The following PTPRN2 variants were observed in gnomAD, a reference collection of about 807,000 sequenced individuals.
The protein encoded by PTPRN2 is protein tyrosine phosphatase receptor type N2, also known as receptor-type tyrosine-protein phosphatase N2.
In PTPRN2, 74 loss-of-function variants were observed where a neutral mutation model predicts 118.8. The ratio of observed to expected loss-of-function variants is 0.62; its 90% CI spans 0.52 to 0.76. The LOEUF is 0.76. PTPRN2 is among the 30% of genes least tolerant of loss of function. The pLI is 0.00. For missense variants in PTPRN2, 1,481 were observed against 1,394.4 expected, an observed-to-expected ratio of 1.06 and a Z score of -0.99; for synonymous variants, 641 against 608.0, an observed-to-expected ratio of 1.05 and a Z score of -0.80.
chr7:157,682,946 C>G lies in PTPRN2; in HGVS notation c.1789-9G>C. On this transcript the variant is annotated splice_polypyrimidine_tract_variant and intron_variant, in intron 12 of 22. Coordinates refer to ENST00000389418, the MANE Select transcript of PTPRN2 (RefSeq NM_002847.5). ...AACTTGAGTTTGCTTTTCTGCAGAA[C>G]AAGGAGAGAGGGGTGTGTTAGCTCC... is the stretch of plus-strand genomic sequence containing the variant. 6.3e-7 allele frequency: 1 copy of G among 1,597,204 alleles called. No homozygotes were observed. Among genetic ancestry groups the G allele is most frequent in the Non-Finnish European group, 8.6e-7 (1 of 1,165,580 alleles).
intron 21 of PTPRN2, among the ~76,000 whole-genome samples, chr7:157,551,424 C>A (rs1798591207): frequency 6.6e-6 from 1 of 151,990 alleles, no homozygotes; most frequent in Non-Finnish European, 1.5e-5. Context: ...TAAACACAGA[C>A]CCCAGCTGGG....
intron 12 of PTPRN2, chr7:157,863,512 C>A (rs1274112559): frequency 1.3e-5 from 2 of 152,216 alleles, no homozygotes; most frequent in Non-Finnish European, 2.9e-5. Flanking sequence ...GCCCAAGAAA[C>A]CTTATACCAC....
Position 157,550,946 on chromosome 7 carries a change from G to T in PTPRN2, c.2903-1927C>A, listed in dbSNP as rs1335657178. 1.3e-5 allele frequency among the ~76,000 whole-genome samples: 2 copies of T among 152,144 alleles called. No homozygotes were observed. The highest frequency in any genetic ancestry group is 4.8e-5 in the African/African-American group (2 of 41,424). ...AATTTAAAACAGCCTGACACAAACG[G>T]GTGAGTTTGTGAAATGGTAGAGAGG... On this transcript the variant is annotated intron_variant, in intron 21 of 22. Coordinates refer to ENST00000389418, the MANE Select transcript of PTPRN2 (RefSeq NM_002847.5). This position sits in a 1 kb window ranked among gnomAD's most constrained non-coding sequence, Gnocchi z 5.2.
At chr7:158,274,058 G>A (rs374351266) in intron 3 of PTPRN2, among the ~76,000 whole-genome samples, 77 of 141,226 alleles carry the variant, frequency 5.5e-4, no homozygotes, top group African/African-American at 1.8e-3. Flanking sequence ...ACGAGGAGCC[G>A]CAGGCACAGG....
intron 3 of PTPRN2, among the ~76,000 whole-genome samples, chr7:158,301,727 T>C (rs1254345485): frequency 6.6e-6 from 1 of 152,184 alleles, no homozygotes; most frequent in African/African-American, 2.4e-5. Flanking sequence ...GGCAGGTGCA[T>C]TGCTTGAGCC....
At chr7:158,486,207 G>GCTGGCCAGTCAGCGTC (rs1471148740) in intron 2 of PTPRN2, among the ~76,000 whole-genome samples, 1 of 152,262 alleles carries the variant, frequency 6.6e-6, no homozygotes, top group Non-Finnish European at 1.5e-5. Flanking sequence ...GCGTGAACGT[G>GCTGGCCAGTCAGCGTC]CTGGCCAGTC....
At chr7:158,076,933 C>T (rs375941458) in intron 11 of PTPRN2, among the ~76,000 whole-genome samples, 65 of 152,310 alleles carry the variant, frequency 4.3e-4, no homozygotes, top group African/African-American at 1.3e-3. Flanking sequence ...CCGCACGGAG[C>T]GGACCAGACT....
chr7:158,341,010 G>A (rs1375839320), intron 2 of PTPRN2, among the ~76,000 whole-genome samples: 4 of 45,208 alleles, frequency 8.8e-5, no homozygotes, highest in African/African-American at 3.5e-4. Flanking sequence ...GGTGAAACCT[G>A]CAGACGTCAC....
At chr7:158,087,228 G>A (rs915697778) in intron 10 of PTPRN2, among the ~76,000 whole-genome samples, 10 of 152,180 alleles carry the variant, frequency 6.6e-5, no homozygotes, top group Non-Finnish European at 1.2e-4. Context: ...GTCCCCGCAC[G>A]CTGTACTGCT....
Position 158,361,367 on chromosome 7 carries a change from T to C in PTPRN2, c.164-44435A>G, listed in dbSNP as rs1281991468. Among the ~76,000 whole-genome samples the C allele has an allele frequency of 7.6e-5, 11 of 144,770 alleles. 1 individual carries two copies. The highest frequency in any genetic ancestry group is 2.3e-4 in the South Asian group (1 of 4,290). 95.0% of individuals were successfully genotyped at this position (144,770 alleles called of 152,430 possible). A position where few individuals can be genotyped will look rare whatever the true frequency, so the allele number is the denominator to read the frequency against. ...ACCCTACGTCCACCCTCCCCCAGGATGACCCACAGACGCCATGTCCACCCC... is the reference window on the plus strand; with the variant it reads ...ACCCTACGTCCACCCTCCCCCAGGACGACCCACAGACGCCATGTCCACCCC... On this transcript the variant is annotated intron_variant, in intron 2 of 22. Transcript: ENST00000389418.
At chr7:157,747,468 G>GGCTGTTGA (rs1801049463) in intron 12 of PTPRN2, among the ~76,000 whole-genome samples, 1 of 113,406 alleles carries the variant, frequency 8.8e-6, no homozygotes, top group Non-Finnish European at 1.7e-5. Context: ...CTGAGCTGTG[G>GGCTGTTGA]GGTGTCCGCG....
intron 14 of PTPRN2, among the ~76,000 whole-genome samples, chr7:157,639,329 C>T (rs1440351548): frequency 6.6e-6 from 1 of 152,158 alleles, no homozygotes; most frequent in African/African-American, 2.4e-5. Flanking sequence ...AGCCACTGTG[C>T]CCAGCTATCT....
chr7:158,141,402 A>AGGCAGCGGGGCC (rs1221011816), intron 6 of PTPRN2, among the ~76,000 whole-genome samples: 2 of 152,108 alleles, frequency 1.3e-5, no homozygotes, highest in African/African-American at 2.4e-5. Flanking sequence ...GTCCATGCCG[A>AGGCAGCGGGGCC]GGCAGCGGGG....
intron 2 of PTPRN2, among the ~76,000 whole-genome samples, chr7:158,481,711 G>T (rs918728620): frequency 6.6e-6 from 1 of 152,112 alleles, no homozygotes; most frequent in Non-Finnish European, 1.5e-5. Flanking sequence ...ATCCACCTGC[G>T]TCGGCCTCCC....
chr7:157,880,397 A>C (rs1021122313), intron 12 of PTPRN2, among the ~76,000 whole-genome samples: 3 of 152,260 alleles, frequency 2.0e-5, no homozygotes, highest in African/African-American at 7.2e-5. Flanking sequence ...GTAAAATTGC[A>C]ACACAAGTTA....
chr7:158,471,458 C>T (rs1263753682), intron 2 of PTPRN2, among the ~76,000 whole-genome samples: 1 of 152,098 alleles, frequency 6.6e-6, no homozygotes, highest in Non-Finnish European at 1.5e-5. Context: ...GGGAGGCCGA[C>T]GCGGGTGGAT....
chr7:158,468,949 C>CCA (rs1819598682), intron 2 of PTPRN2, among the ~76,000 whole-genome samples: 1 of 84,598 alleles, frequency 1.2e-5, no homozygotes. Context: ...GTAGGCACAC[C>CCA]CACACACACT....
chr7:157,674,546 C>A lies in PTPRN2; in HGVS notation c.2001+8179G>T, dbSNP rs987707601. 6.6e-6 allele frequency among the ~76,000 whole-genome samples: 1 copy of A among 152,160 alleles called. No homozygotes were observed. Among genetic ancestry groups the A allele is most frequent in the Non-Finnish European group, 1.5e-5 (1 of 68,032 alleles). On this transcript the variant is annotated intron_variant, in intron 13 of 22. Transcript: ENST00000389418. This position sits in a 1 kb window ranked among gnomAD's most constrained non-coding sequence, Gnocchi z 4.5. ...CGCAGCGTCTTGCCTCCTTTTATGC[C>A]GGTGTACGTGTTGTGTTAAGAGCTG... is the stretch of plus-strand genomic sequence containing the variant.
At chr7:158,474,235 C>T (rs1820077592) in intron 2 of PTPRN2, among the ~76,000 whole-genome samples, 1 of 152,314 alleles carries the variant, frequency 6.6e-6, no homozygotes, top group East Asian at 1.9e-4. Flanking sequence ...CTTGCTCCTT[C>T]ATCAAAAAGC....
Sources: gnomAD v4.1 joint callset for allele counts (sites outside exome capture counted in the v4.1 genomes callset) on GRCh38, gnomAD v4.1.1 for gene constraint, Gnocchi (gnomAD v3.1) non-coding constraint, MANE v1.5 for transcripts, NCBI Gene and HGNC (gene_info 2026-07-23, HGNC 2026-07-21) for gene names.